The following PRKCH variants were observed in gnomAD, a reference collection of about 807,000 sequenced individuals.
PRKCH encodes protein kinase C eta, also known as protein kinase C eta type.
Under a neutral mutation model 82.5 loss-of-function variants are expected in PRKCH, and 28 were observed. The ratio of observed to expected loss-of-function variants is 0.34; its 90% CI spans 0.25 to 0.47. The LOEUF (loss-of-function observed/expected upper bound fraction) is 0.47. Ranked by LOEUF, PRKCH falls within the 20% of genes least tolerant of loss-of-function variation. The probability of loss-of-function intolerance (pLI) is 1.00; values close to 1 mark genes in which losing one functional copy is unlikely to be tolerated. For missense variants in PRKCH, 705 were observed against 881.8 expected (o/e 0.80, Z 2.54); for synonymous variants, 322 against 327.4 (o/e 0.98, Z 0.18).
intron 9 of PRKCH, among the ~76,000 whole-genome samples, chr14:61,463,516 T>G (rs891977873): frequency 6.6e-6 from 1 of 152,216 alleles, no homozygotes; most frequent in African/African-American, 2.4e-5. Context: ...TACAAGTATA[T>G]AAATGGGCAT....
chr14:61,526,950 G>A (rs1566928937), intron 10 of PRKCH, among the ~76,000 whole-genome samples: 1 of 152,206 alleles, frequency 6.6e-6, no homozygotes, highest in East Asian at 1.9e-4. Context: ...AAACCAAAGT[G>A]TAAATGTCTC....
At chr14:61,548,306 C>T (rs906713066) in intron 13 of PRKCH, among the ~76,000 whole-genome samples, 10 of 152,218 alleles carry the variant, frequency 6.6e-5, no homozygotes, top group Non-Finnish European at 2.9e-5. Flanking sequence ...AGATGTTGCT[C>T]ACTTCACTGA....
At chr14:61,474,049 G>C (rs1885622346) in intron 9 of PRKCH, among the ~76,000 whole-genome samples, 2 of 152,016 alleles carry the variant, frequency 1.3e-5, no homozygotes, top group South Asian at 4.1e-4. Context: ...GAGAAGAGAG[G>C]AGACTTGAAG....
At chr14:61,450,203 C>T (rs17098382) in intron 5 of PRKCH, among the ~76,000 whole-genome samples, 16,855 of 152,102 alleles carry the variant, frequency 0.11, 1,709 homozygotes, top group African/African-American at 0.27. Flanking sequence ...CCTTGTCATG[C>T]ATGGATCTGT....
chr14:61,514,923 G>C (rs1566923486), intron 10 of PRKCH, among the ~76,000 whole-genome samples: 1 of 152,158 alleles, frequency 6.6e-6, no homozygotes, highest in Non-Finnish European at 1.5e-5. Flanking sequence ...CAGTGCAGTG[G>C]CATTGATATA....
chr14:61,541,392 C>T (rs2043183106), intron 12 of PRKCH, among the ~76,000 whole-genome samples: 1 of 152,224 alleles, frequency 6.6e-6, no homozygotes, highest in East Asian at 1.9e-4. Context: ...TGTGCTCTTT[C>T]TCTGCCCTTT....
chr14:61,534,423 T>A (rs1033979686), intron 12 of PRKCH, among the ~76,000 whole-genome samples: 1 of 152,188 alleles, frequency 6.6e-6, no homozygotes, highest in African/African-American at 2.4e-5. Context: ...TCTTTACCAA[T>A]ATTGACTTGA....
In PRKCH at chr14:61,212,613, G is replaced by A. The variant is rs2044591188; in HGVS notation, c.-19+24945G>A. ...AGTATTTATCTTTCTGTATCTATGT[G>A]GTGATACAGTCATCTGAAAGCCCTG... On this transcript the variant is annotated intron_variant, in intron 1 of 3. Transcript: ENST00000555185. Among the ~76,000 whole-genome samples the A allele has an allele frequency of 1.3e-5, 2 of 152,118 alleles. 1 individual carries two copies. The highest frequency in any genetic ancestry group is 4.1e-4 in the South Asian group (2 of 4,822).
At chr14:61,518,589 G>A (rs2042859777) in intron 10 of PRKCH, among the ~76,000 whole-genome samples, 1 of 152,144 alleles carries the variant, frequency 6.6e-6, no homozygotes, top group African/African-American at 2.4e-5. Flanking sequence ...CAGAGAGTCA[G>A]CGAATGGGGT....
intron 11 of PRKCH, 93 bp downstream of exon 11, chr14:61,529,306 T>C: frequency 6.9e-7 from 1 of 1,449,034 alleles, no homozygotes. Context: ...ACTGCAGCTT[T>C]GGAGGCAGCA....
intron 10 of PRKCH, among the ~76,000 whole-genome samples, chr14:61,486,962 C>G (rs755310517): frequency 1.3e-5 from 2 of 152,182 alleles, no homozygotes; most frequent in Non-Finnish European, 2.9e-5. Flanking sequence ...CTATCATAAA[C>G]TCATGACAGT....
chr14:61,506,818 A>G (rs186123454), intron 10 of PRKCH, among the ~76,000 whole-genome samples: 126 of 152,298 alleles, frequency 8.3e-4, no homozygotes, highest in African/African-American at 2.7e-3. Flanking sequence ...GAGTCTTCAA[A>G]TGGAATGACC....
At chr14:61,232,710 A>T (rs1439813811) in intron 1 of PRKCH, among the ~76,000 whole-genome samples, 1 of 152,096 alleles carries the variant, frequency 6.6e-6, no homozygotes, top group Non-Finnish European at 1.5e-5. Flanking sequence ...CTTTTCTGAA[A>T]GCTTCATTAC....
intron 9 of PRKCH, among the ~76,000 whole-genome samples, chr14:61,463,687 A>G (rs994773302): frequency 1.3e-5 from 2 of 152,026 alleles, no homozygotes; most frequent in African/African-American, 4.8e-5. Context: ...AAGATGTTTA[A>G]TTTTCAGTGC....
chr14:61,429,349 C>T (rs1289130202), intron 2 of PRKCH, among the ~76,000 whole-genome samples: 1 of 152,222 alleles, frequency 6.6e-6, no homozygotes, highest in Non-Finnish European at 1.5e-5. Context: ...AGAACTGAGG[C>T]AACCTTCTGT....
intron 8 of PRKCH, 61 bp downstream of exon 8, chr14:61,457,380 T>C: frequency 6.2e-7 from 1 of 1,601,676 alleles, no homozygotes. Context: ...GGGGGGTGTG[T>C]GTGTGTGTGC....
intron 1 of PRKCH, among the ~76,000 whole-genome samples, chr14:61,193,374 T>C (rs2044419809): frequency 6.6e-6 from 1 of 152,218 alleles, no homozygotes; most frequent in African/African-American, 2.4e-5. Context: ...CAGATGGTCA[T>C]GGTAGAAAAA....
chr14:61,303,628 C>G (rs187850494), intron 1 of PRKCH: 1 of 151,962 alleles, frequency 6.6e-6, no homozygotes, highest in East Asian at 1.9e-4. Context: ...TTTTATTCAT[C>G]CTTGCAATCT....
rs903610027 is a variant in PRKCH at position 61,354,584 on chromosome 14, C to A, written c.363+32120C>A. Among the ~76,000 whole-genome samples, 4 of 152,220 alleles carry A rather than the reference C, an allele frequency of 2.6e-5. No homozygotes were observed. In the South Asian group the frequency reaches 8.3e-4, roughly 32 times the overall value. ...TATTCTATAAGCATTTATTCAGCAT[C>A]TACTGTGTACAGGGCCCTGGAGATA... is the stretch of plus-strand genomic sequence containing the variant. On this transcript the variant is annotated intron_variant, in intron 1 of 13. Transcript: ENST00000332981.
Sources: allele counts gnomAD v4.1 joint callset (sites outside exome capture counted in the v4.1 genomes callset), GRCh38; gene constraint gnomAD v4.1.1; transcripts MANE v1.5; gene names NCBI Gene and HGNC (gene_info 2026-07-23, HGNC 2026-07-21).